The following ADAMTSL1 variants were observed in gnomAD, a reference collection of about 807,000 sequenced individuals.
ADAMTSL1 encodes the protein ADAMTS-like protein 1.
A neutral mutation model predicts 201.8 loss-of-function variants in ADAMTSL1; 126 were observed. That is an observed-to-expected ratio of 0.62 (90% CI 0.54 to 0.72). The LOEUF is 0.72. Ranked by LOEUF, ADAMTSL1 falls within the 30% of genes least tolerant of loss-of-function variation. ADAMTSL1 has a pLI of 0.00. For synonymous variants in ADAMTSL1, 1,121 were observed against 903.4 expected (o/e 1.24, Z -4.32); for missense variants, 2,679 against 2,277.8 (o/e 1.18, Z -3.59).
At chr9:18,063,587 G>T (rs1822556226) in intron 1 of ADAMTSL1, among the ~76,000 whole-genome samples, 1 of 152,214 alleles carries the variant, frequency 6.6e-6, no homozygotes, top group African/African-American at 2.4e-5. Flanking sequence ...CGAAGCGAAT[G>T]CAGGGAAGGG....
chr9:18,416,503 C>A (rs936401916), intron 2 of ADAMTSL1, among the ~76,000 whole-genome samples: 4 of 151,754 alleles, frequency 2.6e-5, no homozygotes, highest in Non-Finnish European at 2.9e-5. Flanking sequence ...AAAGTATTAC[C>A]CAGTGATATG....
chr9:18,280,641 T>C (rs776094457), intron 2 of ADAMTSL1, among the ~76,000 whole-genome samples: 17 of 152,152 alleles, frequency 1.1e-4, no homozygotes, highest in Non-Finnish European at 2.2e-4. Flanking sequence ...ATTTGTCACA[T>C]GTGTTAAGGT....
rs948613206 is a variant in ADAMTSL1 at position 18,363,801 on chromosome 9, A to G, written c.208-141028A>G. On this transcript the variant is annotated intron_variant, in intron 2 of 29. Transcript: ENST00000680146. ...AATACCTAGCTGCTTTGGTTCAAGA[A>G]CAAATGAGAGAGGGAAATTAAAGGA... 9.2e-5 allele frequency among the ~76,000 whole-genome samples: 14 copies of G among 152,306 alleles called. No homozygotes were observed. In the South Asian group the frequency reaches 2.9e-3, roughly 32 times the overall value.
intron 1 of ADAMTSL1, among the ~76,000 whole-genome samples, chr9:18,126,824 C>G (rs1354914360): frequency 2.0e-5 from 3 of 152,058 alleles, no homozygotes. Flanking sequence ...ATGCTTATGC[C>G]TCTGGATGCA....
intron 2 of ADAMTSL1, among the ~76,000 whole-genome samples, chr9:18,282,265 A>G (rs1390537758): frequency 1.3e-5 from 2 of 152,190 alleles, no homozygotes; most frequent in Admixed American, 6.5e-5. Context: ...ATGGCTGGAT[A>G]GTATTCCATG....
chr9:18,480,296 G>A (rs1055967575), intron 1 of ADAMTSL1, among the ~76,000 whole-genome samples: 1 of 152,178 alleles, frequency 6.6e-6, no homozygotes, highest in Admixed American at 6.5e-5. Context: ...TCTCATCAGT[G>A]AAAAATAGCT....
intron 2 of ADAMTSL1, among the ~76,000 whole-genome samples, chr9:18,461,527 CACAG>C (rs1385236096): frequency 3.3e-5 from 5 of 151,982 alleles, no homozygotes; most frequent in Non-Finnish European, 7.4e-5. Context: ...CATTTTTGTT[CACAG>C]ACAGGGTAGA....
chr9:18,059,896 C>A (rs911215574), intron 1 of ADAMTSL1, among the ~76,000 whole-genome samples: 32 of 151,840 alleles, frequency 2.1e-4, no homozygotes, highest in African/African-American at 7.5e-4. Flanking sequence ...ATTTTTGTTT[C>A]TGTTGACTCA....
intron 4 of ADAMTSL1, among the ~76,000 whole-genome samples, chr9:18,603,338 G>A (rs1824782016): frequency 6.7e-6 from 1 of 149,722 alleles, no homozygotes; most frequent in South Asian, 2.2e-4. Flanking sequence ...TGTCTCCAAA[G>A]CTATATGCTA....
chr9:18,010,861 T>G (rs151197419), intron 1 of ADAMTSL1, among the ~76,000 whole-genome samples: 225 of 152,158 alleles, frequency 1.5e-3, no homozygotes, highest in African/African-American at 5.3e-3. Context: ...TGCCTATGAA[T>G]TTTATGTGAT....
At chr9:18,384,429 CAG>C (rs1347256520) in intron 2 of ADAMTSL1, among the ~76,000 whole-genome samples, 1 of 152,168 alleles carries the variant, frequency 6.6e-6, no homozygotes, top group Admixed American at 6.5e-5. Flanking sequence ...GGTAGGGACA[CAG>C]AGCCAAACCA....
intron 21 of ADAMTSL1, among the ~76,000 whole-genome samples, chr9:18,825,718 A>G (rs1824506576): frequency 6.7e-6 from 1 of 150,028 alleles, no homozygotes; most frequent in Non-Finnish European, 1.5e-5. Flanking sequence ...CTCAGTCACA[A>G]CCCCTCCCCA....
upstream of ADAMTSL1, among the ~76,000 whole-genome samples, chr9:18,470,588 T>C (rs921323131): frequency 3.9e-5 from 6 of 152,136 alleles, no homozygotes; most frequent in East Asian, 1.2e-3. Context: ...CTGTGTCCCC[T>C]ATACACTGGT....
chr9:18,663,373 A>G (rs1313318466), intron 9 of ADAMTSL1, among the ~76,000 whole-genome samples: 3 of 152,128 alleles, frequency 2.0e-5, no homozygotes, highest in African/African-American at 7.2e-5. Flanking sequence ...ACATCAGAAA[A>G]TTATATATTA....
chr9:18,841,973 C>T (rs1471875096), intron 23 of ADAMTSL1, among the ~76,000 whole-genome samples: 2 of 151,730 alleles, frequency 1.3e-5, no homozygotes, highest in African/African-American at 4.8e-5. Flanking sequence ...TTTTGTTGAT[C>T]CTTTCAAAAA....
In ADAMTSL1 at chr9:18,819,422, C is replaced by A. The variant is rs571407707; in HGVS notation, c.3934+2185C>A. 7.4e-5 allele frequency among the ~76,000 whole-genome samples: 11 copies of A among 149,308 alleles called. No homozygotes were observed. In the East Asian group the frequency reaches 2.0e-3, roughly 27 times the overall value. Reference sequence around the variant, plus strand: ...AGTGAGCCGAGATCGAACCACTGCACTCCAGCCTGGGCAATAGAGCAAGAC... The same window carrying A: ...AGTGAGCCGAGATCGAACCACTGCAATCCAGCCTGGGCAATAGAGCAAGAC... On this transcript the variant is annotated intron_variant, in intron 21 of 28. Transcript: ENST00000380548.
chr9:18,792,380 G>A (rs1240614941), intron 19 of ADAMTSL1, among the ~76,000 whole-genome samples: 1 of 152,172 alleles, frequency 6.6e-6, no homozygotes, highest in Non-Finnish European at 1.5e-5. Context: ...ATTTGCCAAT[G>A]GCCATTACTT....
At chr9:18,553,009 C>A (rs2132231773) in intron 3 of ADAMTSL1, among the ~76,000 whole-genome samples, 1 of 151,500 alleles carries the variant, frequency 6.6e-6, no homozygotes, top group East Asian at 1.9e-4. Context: ...ACACTTATCT[C>A]TATCTTTAAA....
chr9:18,209,789 G>T (rs775950722), intron 2 of ADAMTSL1, among the ~76,000 whole-genome samples: 1 of 152,072 alleles, frequency 6.6e-6, no homozygotes. Flanking sequence ...CATCATAGTG[G>T]ATAATTCATT....
Sources: gnomAD v4.1 joint callset for allele counts (sites outside exome capture counted in the v4.1 genomes callset) on GRCh38, gnomAD v4.1.1 for gene constraint, MANE v1.5 for transcripts, NCBI Gene and HGNC (gene_info 2026-07-23, HGNC 2026-07-21) for gene names.